Variants in DPP10 observed in about 807,000 individuals in gnomAD.
The protein encoded by DPP10 is inactive dipeptidyl peptidase 10.
In DPP10, 33 loss-of-function variants were observed where a neutral mutation model predicts 120.9. The ratio of observed to expected loss-of-function variants is 0.27; its 90% confidence interval spans 0.21 to 0.37. The LOEUF is 0.37. DPP10 is among the 10% of genes least tolerant of loss of function. The probability of loss-of-function intolerance (pLI) is 1.00; values close to 1 mark genes in which losing one functional copy is unlikely to be tolerated. For synonymous variants in DPP10, 337 were observed against 326.1 expected (o/e 1.03, Z -0.36); for missense variants, 816 against 942.8 (o/e 0.87, Z 1.76).
rs540038490 is a variant in DPP10 at position 115,531,225 on chromosome 2, T to A, written c.441+5253T>A. On this transcript the variant is annotated intron_variant, in intron 5 of 25. Coordinates refer to ENST00000410059, the MANE Select transcript of DPP10 (RefSeq NM_020868.6). Reference sequence around the variant, plus strand: ...AGCAGCATCAGCATAGCCTGGGAAGTTATTAAAAATCCAAATTCTGTTGTC... The same window carrying A: ...AGCAGCATCAGCATAGCCTGGGAAGATATTAAAAATCCAAATTCTGTTGTC... Among the ~76,000 whole-genome samples the A allele has an allele frequency of 2.6e-5, 4 of 151,720 alleles. No individual in the cohort carries two copies. The South Asian group carries it at 8.3e-4, about 32-fold the overall frequency.
chr2:115,467,827 A>G (rs948333894), intron 3 of DPP10, among the ~76,000 whole-genome samples: 4 of 152,210 alleles, frequency 2.6e-5, no homozygotes, highest in African/African-American at 4.8e-5. Flanking sequence ...AGCAAAATTT[A>G]TAGCTTTGTG....
intron 1 of DPP10, among the ~76,000 whole-genome samples, chr2:115,027,921 C>T (rs1013990825): frequency 4.6e-5 from 7 of 151,886 alleles, no homozygotes; most frequent in South Asian, 2.1e-4. Flanking sequence ...ATGTCTCTAA[C>T]GATTCTTTGT....
At chr2:115,398,071 C>G (rs922211254) in intron 3 of DPP10, among the ~76,000 whole-genome samples, 3 of 152,070 alleles carry the variant, frequency 2.0e-5, no homozygotes, top group African/African-American at 7.2e-5. Context: ...ATCACACAAA[C>G]AGCTGCATAT....
chr2:114,812,345 T>C (rs552147163), intron 1 of DPP10, among the ~76,000 whole-genome samples: 46 of 152,146 alleles, frequency 3.0e-4, no homozygotes, highest in Non-Finnish European at 6.2e-4. Flanking sequence ...CTCATGCCTG[T>C]AAGCCCAGCG....
chr2:115,418,733 A>G (rs926693326), intron 3 of DPP10, among the ~76,000 whole-genome samples: 2 of 151,988 alleles, frequency 1.3e-5, no homozygotes, highest in Non-Finnish European at 2.9e-5. Context: ...GATCACAAAC[A>G]CTGCATTCCA....
chr2:115,219,999 C>A (rs984274965), intron 1 of DPP10, among the ~76,000 whole-genome samples: 1 of 152,170 alleles, frequency 6.6e-6, no homozygotes, highest in African/African-American at 2.4e-5. Context: ...GTGATTATAA[C>A]AAAAACTACT....
intron 1 of DPP10, among the ~76,000 whole-genome samples, chr2:115,046,172 G>A (rs1168588819): frequency 6.6e-6 from 1 of 152,128 alleles, no homozygotes; most frequent in African/African-American, 2.4e-5. Flanking sequence ...CAAGGTGTAA[G>A]CAACTTAAAA....
Position 114,765,332 on chromosome 2 carries a change from T to A in DPP10, c.60+322494T>A, listed in dbSNP as rs564779385. ...CTCAATTTTTTGATGGGAAATTTTC[T>A]GAGCAAAAGCTGTCTAAAAATGGTT... On this transcript the variant is annotated intron_variant, in intron 1 of 25. Transcript: ENST00000410059. 1.1e-3 allele frequency among the ~76,000 whole-genome samples: 160 copies of A among 152,332 alleles called. 1 individual carries two copies. In the South Asian group the frequency reaches 0.032, roughly 30 times the overall value.
At chr2:114,528,069 T>C (rs577790757) in intron 1 of DPP10, among the ~76,000 whole-genome samples, 1 of 152,166 alleles carries the variant, frequency 6.6e-6, no homozygotes, top group African/African-American at 2.4e-5. Flanking sequence ...AATCAGGAAC[T>C]TACTTGAAGA....
chr2:115,473,140 G>A (rs1276361321), intron 3 of DPP10, among the ~76,000 whole-genome samples: 3 of 152,108 alleles, frequency 2.0e-5, no homozygotes, highest in Admixed American at 1.3e-4. Context: ...TCATTATTTA[G>A]TAGAAAAATG....
chr2:115,260,622 T>G (rs1438406260), intron 1 of DPP10, among the ~76,000 whole-genome samples: 2 of 152,226 alleles, frequency 1.3e-5, no homozygotes, highest in African/African-American at 4.8e-5. Flanking sequence ...GTTTAAATTT[T>G]AGAAAACTGG....
At chr2:115,205,849 G>A (rs2056084971) in intron 1 of DPP10, among the ~76,000 whole-genome samples, 1 of 152,126 alleles carries the variant, frequency 6.6e-6, no homozygotes, top group Non-Finnish European at 1.5e-5. Context: ...CATAAAGATG[G>A]GAACAGTAGA....
intron 1 of DPP10, among the ~76,000 whole-genome samples, chr2:114,803,310 A>G (rs539456316): frequency 3.0e-4 from 46 of 152,320 alleles, no homozygotes; most frequent in African/African-American, 1.1e-3. Flanking sequence ...GTATGTCTTT[A>G]TCAGCAGCAT....
intron 1 of DPP10, among the ~76,000 whole-genome samples, chr2:114,956,737 TA>T (rs778404527): frequency 8.6e-5 from 13 of 152,032 alleles, no homozygotes; most frequent in Non-Finnish European, 1.9e-4. Context: ...AATACTGGCA[TA>T]AAAACAGACA....
At chr2:115,698,497 T>C (rs2091715233) in intron 7 of DPP10, among the ~76,000 whole-genome samples, 1 of 152,170 alleles carries the variant, frequency 6.6e-6, no homozygotes, top group Admixed American at 6.5e-5. Context: ...GGTAATTAAG[T>C]TTGTACAAGA....
At chr2:114,934,565 A>G (rs1395838886) in intron 1 of DPP10, among the ~76,000 whole-genome samples, 2 of 152,036 alleles carry the variant, frequency 1.3e-5, no homozygotes, top group African/African-American at 4.8e-5. Context: ...AGTAAAATCT[A>G]CAAATAAGTG....
At chr2:114,648,967 T>C (rs537107922) in intron 1 of DPP10, among the ~76,000 whole-genome samples, 46 of 152,310 alleles carry the variant, frequency 3.0e-4, no homozygotes, top group African/African-American at 1.0e-3. Flanking sequence ...ATGATCCTTC[T>C]CATGAGGTTT....
chr2:114,898,189 T>A (rs1193739978), intron 1 of DPP10, among the ~76,000 whole-genome samples: 1 of 152,174 alleles, frequency 6.6e-6, no homozygotes, highest in East Asian at 1.9e-4. Flanking sequence ...TGAGTTCATG[T>A]CCTTTGTAGG....
chr2:115,657,293 A>G lies in DPP10; in HGVS notation c.442-32394A>G, dbSNP rs148593993. Among the ~76,000 whole-genome samples the G allele has an allele frequency of 1.2e-4, 18 of 151,922 alleles. No individual in the cohort carries two copies. In the East Asian group the frequency reaches 2.7e-3, roughly 23 times the overall value. On this transcript the variant is annotated intron_variant, in intron 5 of 25. Coordinates refer to ENST00000410059, the MANE Select transcript of DPP10 (RefSeq NM_020868.6). The stretch of plus-strand genomic sequence containing the variant: ...ACCTAATTAACAGCTGGTGATAACA[A>G]TGGTGAAACTAACTTCCCAAGATTT...
Sources: gnomAD v4.1 joint callset for allele counts (sites outside exome capture counted in the v4.1 genomes callset) on GRCh38, gnomAD v4.1.1 for gene constraint, MANE v1.5 for transcripts, NCBI Gene and HGNC (gene_info 2026-07-23, HGNC 2026-07-21) for gene names.